Variants in PODXL observed in about 807,000 individuals in gnomAD.
PODXL encodes the protein podocalyxin.
Under a neutral mutation model 48.9 loss-of-function variants are expected in PODXL, and 20 were observed. That is an observed-to-expected ratio of 0.41 (90% CI 0.29 to 0.59). PODXL has a LOEUF of 0.59. Among genes scored for constraint, PODXL ranks in the 20% least tolerant of loss-of-function variants. The probability of loss-of-function intolerance (pLI) is 0.31; values close to 1 mark genes in which losing one functional copy is unlikely to be tolerated. For missense variants in PODXL, 606 were observed against 675.1 expected, an observed-to-expected ratio of 0.90 and a Z score of 1.13; for synonymous variants, 295 against 287.4, an observed-to-expected ratio of 1.03 and a Z score of -0.27.
chr7:131,502,976 A>C lies in PODXL; in HGVS notation c.*1335T>G, dbSNP rs1421733534. 3 of 152,874 alleles carry C rather than the reference A, an allele frequency of 2.0e-5. No homozygotes were observed. Among genetic ancestry groups the C allele is most frequent in the South Asian group, 4.1e-4 (2 of 4,828 alleles). 9.5% of individuals were successfully genotyped at this position (152,874 alleles called of 1,614,324 possible). On this transcript the variant is annotated 3_prime_UTR_variant, in exon 9 of 9. Coordinates refer to ENST00000378555, the MANE Select transcript of PODXL (RefSeq NM_001018111.3). ...ACGTTCCCACAACAGTCTGTCCCCC[A>C]GGCTGCCCTTCATGCACCCAGCATG...
At chr7:131,513,702 C>T (rs1400744827) in intron 1 of PODXL, among the ~76,000 whole-genome samples, 3 of 152,140 alleles carry the variant, frequency 2.0e-5, no homozygotes, top group African/African-American at 4.8e-5. Context: ...CATCCTGGGC[C>T]GCAGCGCCAC....
chr7:131,509,631 T>C (rs1168448824), intron 3 of PODXL, 46 bp from the exon 4 acceptor site: 1 of 1,294,306 alleles, frequency 7.7e-7, no homozygotes, highest in Non-Finnish European at 1.1e-6. Flanking sequence ...GAGTGCACCC[T>C]TGCGAGAAGA....
intron 1 of PODXL, among the ~76,000 whole-genome samples, chr7:131,538,013 A>T (rs922918386): frequency 1.3e-5 from 2 of 152,166 alleles, no homozygotes; most frequent in African/African-American, 4.8e-5. Context: ...CATTGTGAAT[A>T]GGGCTTCCGT....
intron 1 of PODXL, among the ~76,000 whole-genome samples, chr7:131,536,286 A>C (rs926134728): frequency 6.6e-6 from 1 of 152,236 alleles, no homozygotes; most frequent in African/African-American, 2.4e-5. Flanking sequence ...TCCACAATCC[A>C]ATAATAGATG....
chr7:131,548,776 G>GC (rs1434551934), intron 1 of PODXL, among the ~76,000 whole-genome samples: 1 of 152,068 alleles, frequency 6.6e-6, no homozygotes, highest in African/African-American at 2.4e-5. Flanking sequence ...AGGAGACATG[G>GC]CCCCCTCCTG....
In PODXL at chr7:131,502,998, C is replaced by G. The variant is rs1054630107; in HGVS notation, c.*1313G>C. The G allele has an allele frequency of 6.5e-6, 1 of 152,784 alleles. No individual in the cohort carries two copies. Among genetic ancestry groups the G allele is most frequent in the African/African-American group, 2.4e-5 (1 of 41,454 alleles). The allele number at this position is 152,784 out of a possible 1,614,324, so 9.5% of individuals were successfully genotyped here. On this transcript the variant is annotated 3_prime_UTR_variant, in exon 9 of 9. Transcript: ENST00000378555. Reference sequence around the variant, plus strand: ...CCCAGGCTGCCCTTCATGCACCCAGCATGCACTGCGCTTTCCAGGCCCTCT... The same window carrying G: ...CCCAGGCTGCCCTTCATGCACCCAGGATGCACTGCGCTTTCCAGGCCCTCT...
intron 1 of PODXL, among the ~76,000 whole-genome samples, chr7:131,515,333 G>A (rs893321430): frequency 2.6e-5 from 4 of 152,126 alleles, no homozygotes; most frequent in East Asian, 1.9e-4. Context: ...GCTTAATTCC[G>A]TGAGTTGCCG....
rs373190298 is a variant in PODXL, at chr7:131,504,412, T to C, written c.1576A>G (p.Lys526Glu). 83 of 1,614,042 alleles carry C rather than the reference T, an allele frequency of 5.1e-5. No homozygotes were observed. Among genetic ancestry groups the C allele is most frequent in the Middle Eastern group, 3.3e-4 (2 of 6,060 alleles). ...METSSEMQEKKVVSLNGELGD... is the reference protein window; with the variant it reads ...METSSEMQEKEVVSLNGELGD... ...AGCTCCCCGTTGAGGCTGACCACCT[T>C]CTTCTCCTGCATCTCAGAAGAGGTC... Residue 526 changes from lysine (K) to glutamate (E), a missense_variant, in exon 9 of 9, where the codon AAG becomes GAG. Transcript: ENST00000378555.
At chr7:131,527,273 A>C (rs1798203319) in intron 1 of PODXL, among the ~76,000 whole-genome samples, 1 of 152,240 alleles carries the variant, frequency 6.6e-6, no homozygotes, top group Non-Finnish European at 1.5e-5. Context: ...TGGGTGGACT[A>C]CATCTATTAG....
intron 5 of PODXL, 96 bp from the exon 6 acceptor site, chr7:131,506,822 T>A: frequency 1.5e-6 from 2 of 1,369,248 alleles, no homozygotes; most frequent in Admixed American, 3.6e-5. Context: ...ACAGTGCTGT[T>A]GCTGTGCTAG....
chr7:131,508,324 A>C (rs537362606), intron 5 of PODXL, among the ~76,000 whole-genome samples: 5 of 152,170 alleles, frequency 3.3e-5, no homozygotes, highest in African/African-American at 1.2e-4. Flanking sequence ...ATCTCCCAGC[A>C]CTGTTCGTCC....
At chr7:131,531,428 C>T (rs939940059) in intron 1 of PODXL, among the ~76,000 whole-genome samples, 2 of 152,148 alleles carry the variant, frequency 1.3e-5, no homozygotes, top group Admixed American at 6.6e-5. Flanking sequence ...GGAACTGACT[C>T]GCCTCACTCT....
rs145146486 is a variant in PODXL, at chr7:131,506,295, C to T, written c.1276G>A (p.Glu426Lys). Reference sequence around the variant, plus strand: ...TCATCCCATTTGTCCTTCAGCCGCTCGTACACATCCTTGGCAGGGAGCTTA... The same window carrying T: ...TCATCCCATTTGTCCTTCAGCCGCTTGTACACATCCTTGGCAGGGAGCTTA... ...HTKLPAKDVY[E>K]RLKDKWDELK... Residue 426 changes from glutamate (E) to lysine (K), a missense_variant, in exon 7 of 9, where the codon GAG becomes AAG. Physicochemically the swap from Glu to Lys is moderately conservative, Grantham distance 56 (BLOSUM62 1). Coordinates refer to ENST00000378555, the MANE Select transcript of PODXL (RefSeq NM_001018111.3). The T allele has an allele frequency of 3.0e-4, 486 of 1,614,198 alleles. 6 individuals carry two copies. In the African/African-American group the frequency reaches 5.1e-3, roughly 17 times the overall value.
chr7:131,509,397 G>A lies in PODXL; in HGVS notation c.991C>T (p.Pro331Ser), dbSNP rs149080939. The A allele has an allele frequency of 4.3e-6, 7 of 1,613,994 alleles. No homozygotes were observed. The African/African-American group carries it at 9.3e-5, about 22-fold the overall frequency. Residue 331 changes from proline (P) to serine (S), a missense_variant, in exon 4 of 9, where the codon CCT (proline) becomes TCT (serine). By Grantham distance (74) the Pro-to-Ser change is moderately conservative. Transcript: ENST00000378555. ...CTCTCATGAGCCACAGTGGGAGAAGGTGTTTTGGGGTATCGGTGGGTAGTT... is the reference window on the plus strand; with the variant it reads ...CTCTCATGAGCCACAGTGGGAGAAGATGTTTTGGGGTATCGGTGGGTAGTT... ...ASTTHRYPKT[P>S]SPTVAHESNW... is the part of the protein sequence containing the mutation.
rs1402053772 is a variant in PODXL, at chr7:131,542,731, GT to G, written c.100+13528del. Among the ~76,000 whole-genome samples the G allele has an allele frequency of 9.4e-3, 1,425 of 152,262 alleles. 15 individuals carry two copies. The highest frequency in any genetic ancestry group is 0.032 in the African/African-American group (1,347 of 41,552). Reference sequence around the variant, plus strand: ...CTGGAGCCTCAAGACGTGACTCTAGGTAAAATCACCAGCATCCTCCGCCTTG... The same window carrying G: ...CTGGAGCCTCAAGACGTGACTCTAGGAAAATCACCAGCATCCTCCGCCTTG... On this transcript the variant is annotated intron_variant, in intron 1 of 8. Transcript: ENST00000378555.
At chr7:131,538,103 C>G (rs1484893748) in intron 1 of PODXL, among the ~76,000 whole-genome samples, 1 of 152,186 alleles carries the variant, frequency 6.6e-6, no homozygotes, top group South Asian at 2.1e-4. Context: ...ACAGGGCCCA[C>G]TGTGGCCCTG....
At chr7:131,534,578 C>T (rs13245368) in intron 1 of PODXL, among the ~76,000 whole-genome samples, 6,111 of 152,250 alleles carry the variant, frequency 0.04, 168 homozygotes, top group Non-Finnish European at 0.054. Context: ...GGAGCTCAGA[C>T]TTCACTGGCT....
chr7:131,506,129 G>T, intron 7 of PODXL, 94 bp from the exon 8 acceptor site: 1 of 1,549,064 alleles, frequency 6.5e-7, no homozygotes. Context: ...AGTCTGCTAG[G>T]GTCCGTGCCG....
intron 1 of PODXL, among the ~76,000 whole-genome samples, chr7:131,543,857 G>A (rs1278573012): frequency 6.6e-6 from 1 of 152,098 alleles, no homozygotes; most frequent in Non-Finnish European, 1.5e-5. Flanking sequence ...GAAGCCAAAT[G>A]CATGAGAACA....
Sources: gnomAD v4.1 joint callset for allele counts (sites outside exome capture counted in the v4.1 genomes callset) on GRCh38, gnomAD v4.1.1 for gene constraint, MANE v1.5 for transcripts, NCBI Gene and HGNC (gene_info 2026-07-23, HGNC 2026-07-21) for gene names.